The following RDH11 variants were observed in gnomAD, a reference collection of about 807,000 sequenced individuals.
RDH11 encodes retinol dehydrogenase 11.
A neutral mutation model predicts 33.4 loss-of-function variants in RDH11; 19 were observed. The ratio of observed to expected loss-of-function variants is 0.57; its 90% CI spans 0.40 to 0.83. The LOEUF is 0.83. Among genes scored for constraint, RDH11 ranks in the 40% least tolerant of loss-of-function variants. The probability of loss-of-function intolerance (pLI) is 0.00; values close to 1 mark genes in which losing one functional copy is unlikely to be tolerated. For synonymous variants in RDH11, 154 were observed against 155.3 expected (o/e 0.99, Z 0.06); for missense variants, 353 against 389.0 (o/e 0.91, Z 0.78).
intron 6 of RDH11, among the ~76,000 whole-genome samples, chr14:67,681,813 C>T (rs1045428909): frequency 6.6e-6 from 1 of 151,994 alleles, no homozygotes; most frequent in Non-Finnish European, 1.5e-5. Context: ...AGATCACAGA[C>T]CTATGTAATG....
chr14:67,686,647 A>G (rs2037682779), intron 5 of RDH11, among the ~76,000 whole-genome samples: 1 of 151,910 alleles, frequency 6.6e-6, no homozygotes, highest in African/African-American at 2.4e-5. Context: ...GCAAAAAAAA[A>G]AAAAAAAAAA....
chr14:67,679,822 T>C (rs1366221609), intron 6 of RDH11, among the ~76,000 whole-genome samples: 4 of 152,156 alleles, frequency 2.6e-5, no homozygotes, highest in African/African-American at 9.7e-5. Flanking sequence ...TCAGTCAAAG[T>C]TTTAAAAAAA....
chr14:67,682,719 A>G (rs939986961), intron 6 of RDH11, among the ~76,000 whole-genome samples: 5 of 152,242 alleles, frequency 3.3e-5, no homozygotes, highest in Non-Finnish European at 5.9e-5. Flanking sequence ...CACAGTTACC[A>G]TATAACCCAG....
intron 5 of RDH11, 42 bp downstream of exon 5, chr14:67,690,170 C>T: frequency 1.3e-6 from 2 of 1,569,794 alleles, no homozygotes; most frequent in East Asian, 2.2e-5. Context: ...TTACCTGCCT[C>T]TCTCTGACTC....
chr14:67,684,622 C>T (rs2037653783), intron 6 of RDH11: 2 of 151,270 alleles, frequency 1.3e-5, no homozygotes, highest in African/African-American at 2.5e-5. Context: ...TTTCACCTGA[C>T]CTTAGGTGAT....
Position 67,683,031 on chromosome 14 carries a change from A to G in RDH11, c.854+1984T>C, listed in dbSNP as rs117911108. Among the ~76,000 whole-genome samples the G allele has an allele frequency of 5.3e-3, 809 of 152,362 alleles. 4 individuals carry two copies. Among genetic ancestry groups the G allele is most frequent in the Non-Finnish European group, 9.6e-3 (651 of 68,026 alleles). ...TTATATGAAATGTCCAGTAAAGGCAAATTCTTAGAGACATAAAGCAGACTA... is the reference window on the plus strand; with the variant it reads ...TTATATGAAATGTCCAGTAAAGGCAGATTCTTAGAGACATAAAGCAGACTA... On this transcript the variant is annotated intron_variant, in intron 6 of 6. Transcript: ENST00000381346.
rs2037566351 is a variant in RDH11 at position 67,678,089 on chromosome 14, T to C, written c.*232A>G. 4.4e-6 allele frequency: 2 copies of C among 450,978 alleles called. No individual in the cohort carries two copies. Among genetic ancestry groups the C allele is most frequent in the Admixed American group, 3.6e-5 (1 of 27,518 alleles). The allele number at this position is 450,978 out of a possible 1,614,324, so 27.9% of individuals were successfully genotyped here. A position where few individuals can be genotyped will look rare whatever the true frequency, so the allele number is the denominator to read the frequency against. On this transcript the variant is annotated 3_prime_UTR_variant, in exon 7 of 7. Transcript: ENST00000381346. ...ATATGAGGGTCTTCTTATCCTATTA[T>C]GATATCTCTAGTAACTCTGGCAGTA...
At chr14:67,678,658 T>C (rs2037573979) in intron 6 of RDH11, among the ~76,000 whole-genome samples, 1 of 152,222 alleles carries the variant, frequency 6.6e-6, no homozygotes, top group South Asian at 2.1e-4. Flanking sequence ...GTTTGATATA[T>C]AATGCATACA....
At chr14:67,694,493 T>C (rs556119349) in intron 1 of RDH11, among the ~76,000 whole-genome samples, 31 of 148,924 alleles carry the variant, frequency 2.1e-4, no homozygotes, top group South Asian at 8.5e-4. Flanking sequence ...CACACACATA[T>C]ATATATATAT....
intron 6 of RDH11, among the ~76,000 whole-genome samples, chr14:67,682,228 G>C (rs1051135694): frequency 6.6e-6 from 1 of 152,168 alleles, no homozygotes; most frequent in Admixed American, 6.5e-5. Flanking sequence ...TGATTTCTTA[G>C]ATATGACTGC....
At chr14:67,694,440 A>G (rs1452807705) in intron 1 of RDH11, among the ~76,000 whole-genome samples, 1 of 138,640 alleles carries the variant, frequency 7.2e-6, no homozygotes, top group Non-Finnish European at 1.6e-5. Flanking sequence ...GAATATATAT[A>G]TATATATATA....
chr14:67,694,431 A>AAT (rs144995720), intron 1 of RDH11, among the ~76,000 whole-genome samples: 9,443 of 139,972 alleles, frequency 0.067, 454 homozygotes, highest in African/African-American at 0.13. Context: ...CAGCTCCTGG[A>AAT]ATATATATAT....
intron 4 of RDH11, 107 bp from the exon 5 acceptor site, chr14:67,690,528 C>A (rs1222522327): frequency 2.3e-6 from 2 of 882,902 alleles, no homozygotes; most frequent in Admixed American, 4.6e-5. Context: ...GAAATAAGGT[C>A]TTTCCCTCCA....
rs1223867761 is a variant in RDH11 at position 67,685,090 on chromosome 14, G to A, written c.779C>T (p.Pro260Leu). ...CAGGCTGGTCTGGGCTCCCTGCTGAGGAGTCTTGATGAAAAAGGAGAAAAG... is the reference window on the plus strand; with the variant it reads ...CAGGCTGGTCTGGGCTCCCTGCTGAAGAGTCTTGATGAAAAAGGAGAAAAG... ...WWLFSFFIKTPQQGAQTSLHC... is the reference protein window; with the variant it reads ...WWLFSFFIKTLQQGAQTSLHC... Residue 260 changes from proline (P) to leucine (L), a missense_variant, in exon 6 of 7, where the codon CCT (proline) becomes CTT (leucine). Coordinates refer to ENST00000381346, the MANE Select transcript of RDH11 (RefSeq NM_016026.4). 6.2e-7 allele frequency: 1 copy of A among 1,614,126 alleles called. No individual in the cohort carries two copies. Among genetic ancestry groups the A allele is most frequent in the East Asian group, 2.2e-5 (1 of 44,878 alleles).
rs749376917 is a variant in RDH11, at chr14:67,695,712, G to C, written c.-9C>G. On this transcript the variant is annotated 5_prime_UTR_variant, in exon 1 of 7. Coordinates refer to ENST00000381346, the MANE Select transcript of RDH11 (RefSeq NM_016026.4). ...AACATGAGCTCAACCATCTCTGCCGGCTGCAGCGGCACCAGAGCGGGATGC... is the reference window on the plus strand; with the variant it reads ...AACATGAGCTCAACCATCTCTGCCGCCTGCAGCGGCACCAGAGCGGGATGC... 6.2e-7 allele frequency: 1 copy of C among 1,613,370 alleles called. No homozygotes were observed. Among genetic ancestry groups the C allele is most frequent in the African/African-American group, 1.3e-5 (1 of 74,944 alleles).
chr14:67,690,153 G>A, intron 5 of RDH11, 59 bp downstream of exon 5: 2 of 1,485,092 alleles, frequency 1.3e-6, no homozygotes, highest in Non-Finnish European at 1.9e-6. Context: ...TTCCATTCCT[G>A]TGGCTTTTAC....
chr14:67,680,728 G>A (rs2037604954), intron 6 of RDH11, among the ~76,000 whole-genome samples: 1 of 152,184 alleles, frequency 6.6e-6, no homozygotes, highest in African/African-American at 2.4e-5. Flanking sequence ...CAAAGTGCAG[G>A]GATTACAGGC....
intron 5 of RDH11, 27 bp from the exon 6 acceptor site, chr14:67,685,231 G>T (rs1209542268): frequency 1.3e-6 from 2 of 1,587,060 alleles, no homozygotes; most frequent in Non-Finnish European, 1.7e-6. Context: ...TGAAGAGAGG[G>T]TAAGACAGGA....
At chr14:67,685,756 C>G (rs2037670322) in intron 5 of RDH11, among the ~76,000 whole-genome samples, 1 of 152,088 alleles carries the variant, frequency 6.6e-6, no homozygotes, top group Admixed American at 6.5e-5. Flanking sequence ...GCTGGGACTA[C>G]AGGGGTGCGC....
Sources: gnomAD v4.1 joint callset for allele counts (sites outside exome capture counted in the v4.1 genomes callset) on GRCh38, gnomAD v4.1.1 for gene constraint, MANE v1.5 for transcripts, NCBI Gene and HGNC (gene_info 2026-07-23, HGNC 2026-07-21) for gene names.